ZNF638: variants seen among roughly 807,000 people sequenced by gnomAD.
ZNF638 encodes the protein CTCL tumor antigen se33-1.
ZNF638 carries 46 observed loss-of-function variants against 195.6 expected under a neutral mutation model. The observed-to-expected ratio is 0.24, with a 90% CI of 0.19 to 0.30. The LOEUF (loss-of-function observed/expected upper bound fraction) is 0.30, where lower values mean the gene tolerates loss of function less well. Ranked by LOEUF, ZNF638 falls within the 10% of genes least tolerant of loss-of-function variation. ZNF638 has a pLI of 1.00. For synonymous variants in ZNF638, 845 were observed against 772.0 expected, an observed-to-expected ratio of 1.09 and a Z score of -1.57; for missense variants, 2,440 against 2,325.3, an observed-to-expected ratio of 1.05 and a Z score of -1.01.
intron 20 of ZNF638, among the ~76,000 whole-genome samples, chr2:71,416,847 A>T (rs902603685): frequency 2.1e-5 from 3 of 140,458 alleles, no homozygotes; most frequent in East Asian, 4.4e-4. Flanking sequence ...TCAGATCTCC[A>T]GCTGCGTGCT....
chr2:71,432,705 A>G (rs935575574), intron 26 of ZNF638, among the ~76,000 whole-genome samples: 3 of 152,264 alleles, frequency 2.0e-5, no homozygotes, highest in African/African-American at 7.2e-5. Context: ...TTTTCTGATT[A>G]AAATTACTAC....
chr2:71,348,905 G>A lies in ZNF638; in HGVS notation c.-50G>A, dbSNP rs775749985. 6.2e-7 allele frequency: 1 copy of A among 1,614,038 alleles called. No individual in the cohort carries two copies. The highest frequency in any genetic ancestry group is 1.1e-5 in the South Asian group (1 of 91,060). ...CAGCTGAATGCCGTTGCCTCACATGGTTCAACACCACCTTATACTTTATTA... is the reference window on the plus strand; with the variant it reads ...CAGCTGAATGCCGTTGCCTCACATGATTCAACACCACCTTATACTTTATTA... On this transcript the variant is annotated 5_prime_UTR_variant, in exon 2 of 28. Transcript: ENST00000264447.
At chr2:71,418,524 A>G in intron 20 of ZNF638, 78 bp from the exon 21 acceptor site, 5 of 1,014,746 alleles carry the variant, frequency 4.9e-6, no homozygotes, top group Non-Finnish European at 6.9e-6. Flanking sequence ...TTAAATTTTT[A>G]CTAAAAACAT....
intron 2 of ZNF638, among the ~76,000 whole-genome samples, chr2:71,350,663 A>G (rs2078924445): frequency 6.6e-6 from 1 of 152,238 alleles, no homozygotes; most frequent in African/African-American, 2.4e-5. Flanking sequence ...TGTAATGCAC[A>G]CATTTAAGAG....
rs200874704 is a variant in ZNF638, at chr2:71,403,829, A to G, written c.2830-41A>G. On this transcript the variant is annotated intron_variant, in intron 16 of 27. Coordinates refer to ENST00000264447, the MANE Select transcript of ZNF638 (RefSeq NM_014497.5). ...GCAAGTCTGTTTTTGAGAAAAAGTA[A>G]CATAAGATTTTTCTTGTTACCTTAA... 324 of 1,424,476 alleles carry G rather than the reference A, an allele frequency of 2.3e-4. No individual in the cohort carries two copies. In the Middle Eastern group the frequency reaches 3.0e-3, roughly 13 times the overall value. 88.2% of individuals were successfully genotyped at this position (1,424,476 alleles called of 1,614,324 possible). A position where few individuals can be genotyped will look rare whatever the true frequency, so the allele number is the denominator to read the frequency against.
At chr2:71,405,701 A>C in intron 18 of ZNF638, 59 bp downstream of exon 18, 1 of 1,254,378 alleles carries the variant, frequency 8.0e-7, no homozygotes, top group Non-Finnish European at 1.1e-6. Context: ...ACATTGTTTT[A>C]CTTGTTTGCC....
chr2:71,400,543 T>A, intron 15 of ZNF638, 25 bp downstream of exon 15: 1 of 1,579,532 alleles, frequency 6.3e-7, no homozygotes. Context: ...TTTATTTATT[T>A]CTTTAAAGCT....
chr2:71,348,616 A>C, intron 1 of ZNF638, 137 bp from the exon 2 acceptor site: 1 of 1,224,658 alleles, frequency 8.2e-7, no homozygotes, highest in Non-Finnish European at 1.0e-6. Context: ...AAATCTTCGT[A>C]AGCCCTTACT....
intron 10 of ZNF638, 62 bp downstream of exon 10, chr2:71,380,627 A>C: frequency 7.3e-7 from 1 of 1,369,780 alleles, no homozygotes; most frequent in Non-Finnish European, 1.0e-6. Context: ...GTAGAAACTT[A>C]GATGATGATG....
chr2:71,365,743 G>T (rs1482653204), intron 6 of ZNF638, 37 bp downstream of exon 6: 7 of 1,524,188 alleles, frequency 4.6e-6, no homozygotes, highest in Non-Finnish European at 6.2e-6. Flanking sequence ...TAGAGATAAG[G>T]TTTCACTCTG....
rs1014519997 is a variant in ZNF638, at chr2:71,340,104, A to AT, written c.-203+8237dup. Among the ~76,000 whole-genome samples the AT allele has an allele frequency of 1.9e-4, 29 of 151,934 alleles. No homozygotes were observed. In the Middle Eastern group the frequency reaches 0.014, roughly 71 times the overall value. On this transcript the variant is annotated intron_variant, in intron 1 of 27. Coordinates refer to ENST00000264447, the MANE Select transcript of ZNF638 (RefSeq NM_014497.5). ...TAACATTGTGCATTAGCAGTTTTCC[A>AT]TTTTTTTTCAAATCTGAAATCATGG...
rs774802616 is a variant in ZNF638 at position 71,388,682 on chromosome 2, G to A, written c.2378-7459G>A. On this transcript the variant is annotated intron_variant, in intron 10 of 27. Coordinates refer to ENST00000264447, the MANE Select transcript of ZNF638 (RefSeq NM_014497.5). ...CGTGAGGAACACTGCAAGGGATCAC[G>A]ACGGAACCCCCGAAAATGAAGGCGA... 25 of 1,127,234 alleles carry A rather than the reference G, an allele frequency of 2.2e-5. No homozygotes were observed. The East Asian group carries it at 2.3e-4, about 11-fold the overall frequency. 69.8% of individuals were successfully genotyped at this position (1,127,234 alleles called of 1,614,324 possible). A position where few individuals can be genotyped will look rare whatever the true frequency, so the allele number is the denominator to read the frequency against.
intron 10 of ZNF638, among the ~76,000 whole-genome samples, chr2:71,391,249 C>T (rs2079770192): frequency 6.6e-6 from 1 of 152,176 alleles, no homozygotes; most frequent in Non-Finnish European, 1.5e-5. Flanking sequence ...GGCAATTCTT[C>T]AAGATAGGCC....
Position 71,423,817 on chromosome 2 carries a change from A to G in ZNF638, c.4303A>G (p.Lys1435Glu). ...QINAEKKLSA[K>E]EFGLLKPTSA... ...AAATGCTGAAAAGAAACTTTCAGCCAAGGAATTTGGTCTGCTTAAACCCAC... is the reference window on the plus strand; with the variant it reads ...AAATGCTGAAAAGAAACTTTCAGCCGAGGAATTTGGTCTGCTTAAACCCAC... The change falls in exon 22 of 28, where the codon AAG becomes GAG. Residue 1435 changes from lysine to glutamate, a missense_variant. This residue lies in a region of ZNF638 where 1,883 missense variants were observed against 1,739.1 expected (regional missense o/e 1.08). Transcript: ENST00000264447. The G allele has an allele frequency of 6.2e-7, 1 of 1,614,104 alleles. No homozygotes were observed.
At chr2:71,425,576 A>G (rs1185022897) in intron 23 of ZNF638, among the ~76,000 whole-genome samples, 1 of 152,148 alleles carries the variant, frequency 6.6e-6, no homozygotes, top group Non-Finnish European at 1.5e-5. Flanking sequence ...AATTACAGAT[A>G]CTGTTGTTTT....
At chr2:71,365,781 A>G (rs757140718) in intron 6 of ZNF638, 75 bp downstream of exon 6, 31 of 1,377,802 alleles carry the variant, frequency 2.2e-5, no homozygotes, top group Non-Finnish European at 2.5e-5. Context: ...CAGTGGTGCA[A>G]CAAGCATGGC....
chr2:71,392,296 T>C (rs1290674425), intron 10 of ZNF638, among the ~76,000 whole-genome samples: 3 of 152,208 alleles, frequency 2.0e-5, no homozygotes, highest in African/African-American at 7.2e-5. Flanking sequence ...GCTTTAACGC[T>C]TTTTACTGAT....
chr2:71,402,677 C>A (rs1173183645), intron 16 of ZNF638, among the ~76,000 whole-genome samples: 3 of 152,112 alleles, frequency 2.0e-5, no homozygotes, highest in Non-Finnish European at 2.9e-5. Flanking sequence ...CTATAAGCAT[C>A]TGTTGGCTTT....
intron 19 of ZNF638, chr2:71,407,310 T>C (rs144441643): frequency 3.9e-5 from 6 of 152,302 alleles, no homozygotes; most frequent in African/African-American, 7.2e-5. Flanking sequence ...AGATGGCACA[T>C]AGGAATTCTG....
Sources: gnomAD v4.1 joint callset for allele counts (sites outside exome capture counted in the v4.1 genomes callset) on GRCh38, gnomAD v4.1.1 for gene constraint, gnomAD v4.1.1 regional missense constraint, MANE v1.5 for transcripts, NCBI Gene and HGNC (gene_info 2026-07-23, HGNC 2026-07-21) for gene names.